Variants in EVA1B observed in about 807,000 individuals in gnomAD.
EVA1B encodes the protein protein eva-1 homolog B.
In EVA1B, 2 loss-of-function variants were observed where a neutral mutation model predicts 4.6. That is an observed-to-expected ratio of 0.43 (90% CI 0.18 to 1.37). The LOEUF (loss-of-function observed/expected upper bound fraction) is 1.37, where lower values mean the gene tolerates loss of function less well. Ranked by LOEUF, EVA1B falls within the 40% of genes most tolerant of loss-of-function variation. The probability of loss-of-function intolerance (pLI) is 0.28; values close to 1 mark genes in which losing one functional copy is unlikely to be tolerated. For missense variants in EVA1B, 263 were observed against 240.4 expected (o/e 1.09, Z -0.62); for synonymous variants, 124 against 115.8 (o/e 1.07, Z -0.46).
Position 36,322,164 on chromosome 1 carries a change from AG to A in EVA1B, c.*130del. 4 of 1,354,754 alleles carry A rather than the reference AG, an allele frequency of 3.0e-6. No individual in the cohort carries two copies. The East Asian group carries it at 8.6e-5, about 29-fold the overall frequency. 83.9% of individuals were successfully genotyped at this position (1,354,754 alleles called of 1,614,324 possible). On this transcript the variant is annotated 3_prime_UTR_variant, in exon 3 of 3. Transcript: ENST00000490466. Reference sequence around the variant, plus strand: ...GCAGGACTGGGGAAGGGAGCCTCTCAGGGGGTGGCGGTCCACGCCCAGTAGC... The same window carrying A: ...GCAGGACTGGGGAAGGGAGCCTCTCAGGGGTGGCGGTCCACGCCCAGTAGC...
Position 36,323,044 on chromosome 1 carries a change from C to T in EVA1B, c.-7G>A. The T allele has an allele frequency of 6.3e-7, 1 of 1,599,752 alleles. No individual in the cohort carries two copies. Among genetic ancestry groups the T allele is most frequent in the Non-Finnish European group, 8.5e-7 (1 of 1,175,912 alleles). ...CCCTTCGCGGGGCATCCATGCTGCT[C>T]TGGGGGGCAGCTCCCCTACCAGCCT... On this transcript the variant is annotated 5_prime_UTR_variant, in exon 2 of 3. Coordinates refer to ENST00000490466, the MANE Select transcript of EVA1B (RefSeq NM_001304762.2).
chr1:36,322,303 A>C lies in EVA1B; in HGVS notation c.490T>G (p.Tyr164Asp). The C allele has an allele frequency of 4.6e-6, 7 of 1,535,582 alleles. No homozygotes were observed. Among genetic ancestry groups the C allele is most frequent in the Non-Finnish European group, 6.1e-6 (7 of 1,150,230 alleles). The change falls in exon 3 of 3, where the codon TAT becomes GAT. Residue 164 changes from tyrosine to aspartate, a missense_variant. Transcript: ENST00000490466. ...GCGGGAGCCGGGGCCCATCAGTAATAGTGCATGCGGCCCAGGGTGCCCGTG... is the reference window on the plus strand; with the variant it reads ...GCGGGAGCCGGGGCCCATCAGTAATCGTGCATGCGGCCCAGGGTGCCCGTG... ...TATGTLGRMHYY is the reference protein window; with the variant it reads ...TATGTLGRMHDY
Position 36,323,068 on chromosome 1 carries a change from C to T in EVA1B, c.-30-1G>A. 1 of 1,593,774 alleles carries T rather than the reference C, an allele frequency of 6.3e-7. No individual in the cohort carries two copies. Among genetic ancestry groups the T allele is most frequent in the South Asian group, 1.1e-5 (1 of 89,242 alleles). On this transcript the variant is annotated splice_acceptor_variant, in intron 1 of 2. Coordinates refer to ENST00000490466, the MANE Select transcript of EVA1B (RefSeq NM_001304762.2). LOFTEE classifies it low-confidence loss of function (5UTR_SPLICE). ...TCTGGGGGGCAGCTCCCCTACCAGC[C>T]TGCGAGGTCAGCAAAGTCAGATCCT...
In EVA1B at chr1:36,322,652, G is replaced by A. The variant is rs754506123; in HGVS notation, c.141C>T (p.Leu47=). The stretch of plus-strand genomic sequence containing the variant: ...GGGGCGCCCACGAGATGCTGATGAC[G>A]AGCAGGCAGAGGGTGAGCAGCAGGC... ...CFGLLLTLCL[L]VISISWAPRP... The change falls in exon 3 of 3, where the codon CTC becomes CTT. Residue 47 remains leucine, a synonymous_variant. Transcript: ENST00000490466. The A allele has an allele frequency of 2.5e-5, 38 of 1,546,632 alleles. No homozygotes were observed. In the East Asian group the frequency reaches 8.3e-4, roughly 34 times the overall value.
Position 36,322,633 on chromosome 1 carries a change from C to A in EVA1B, c.160G>T (p.Ala54Ser). ...LCLLVISISW[A>S]PRPRPRGPAQ... is the part of the protein sequence containing the mutation. The stretch of plus-strand genomic sequence containing the variant: ...GGGCCCCGGGGCCGCGGGCGGGGCG[C>A]CCACGAGATGCTGATGACGAGCAGG... Residue 54 changes from alanine (A) to serine (S), a missense_variant, in exon 3 of 3, where the codon GCG becomes TCG. Physicochemically the swap from Ala to Ser is moderately conservative, Grantham distance 99. Transcript: ENST00000490466. 4 of 1,545,214 alleles carry A rather than the reference C, an allele frequency of 2.6e-6. No individual in the cohort carries two copies. Among genetic ancestry groups the A allele is most frequent in the Non-Finnish European group, 3.5e-6 (4 of 1,147,086 alleles).
chr1:36,322,349 C>T lies in EVA1B; in HGVS notation c.444G>A (p.Thr148=). 1.3e-6 allele frequency: 2 copies of T among 1,581,550 alleles called. No individual in the cohort carries two copies. The highest frequency in any genetic ancestry group is 1.7e-6 in the Non-Finnish European group (2 of 1,171,990). The change falls in exon 3 of 3, where the codon ACG becomes ACA. Residue 148 remains threonine (T), a synonymous_variant. Coordinates refer to ENST00000490466, the MANE Select transcript of EVA1B (RefSeq NM_001304762.2). ...TGQPDLLGTG[T]LGPSPTATGT... is the part of the protein sequence containing the mutation. ...CCGTGGCCGTGGGGCTGGGCCCCAG[C>T]GTGCCTGTGCCCAGCAGGTCCGGCT...
At chr1:36,323,267 G>T (rs1448796860) in intron 1 of EVA1B, among the ~76,000 whole-genome samples, 192 bp downstream of exon 1, 1 of 152,146 alleles carries the variant, frequency 6.6e-6, no homozygotes, top group Non-Finnish European at 1.5e-5. Flanking sequence ...TGGGAGCAGC[G>T]CCGGGGACCG....
At chr1:36,324,144 C>T (rs1446813743), upstream of EVA1B, 1 of 152,246 alleles carries the variant, frequency 6.6e-6, no homozygotes, top group Non-Finnish European at 1.5e-5. Flanking sequence ...TTCCAGGGCC[C>T]AGGCTTGAAT....
intron 2 of EVA1B, 122 bp downstream of exon 2, chr1:36,322,849 G>T: frequency 1.3e-6 from 2 of 1,507,460 alleles, no homozygotes; most frequent in Non-Finnish European, 1.8e-6. Context: ...GGGCATTAGG[G>T]AACCGCCAGC....
chr1:36,322,795 C>A, intron 2 of EVA1B, 70 bp from the exon 3 acceptor site: 1 of 1,510,974 alleles, frequency 6.6e-7, no homozygotes, highest in East Asian at 2.4e-5. Flanking sequence ...CCGAAAGACC[C>A]CAGGTTCTAG....
chr1:36,322,204 G>A lies in EVA1B; in HGVS notation c.*91C>T, dbSNP rs1646474792. The A allele has an allele frequency of 8.7e-6, 12 of 1,386,882 alleles. No individual in the cohort carries two copies. In the Admixed American group the frequency reaches 1.2e-4, roughly 14 times the overall value. The allele number at this position is 1,386,882 out of a possible 1,614,324, so 85.9% of individuals were successfully genotyped here. A position where few individuals can be genotyped will look rare whatever the true frequency, so the allele number is the denominator to read the frequency against. On this transcript the variant is annotated 3_prime_UTR_variant, in exon 3 of 3. Coordinates refer to ENST00000490466, the MANE Select transcript of EVA1B (RefSeq NM_001304762.2). ...ACGCCCAGTAGCACCTGGGAGCTGT[G>A]GGGGCCGAGGCAGTCCGAAGGTGTG...
At chr1:36,322,918 G>T in intron 2 of EVA1B, 53 bp downstream of exon 2, 1 of 1,591,742 alleles carries the variant, frequency 6.3e-7, no homozygotes, top group Non-Finnish European at 8.6e-7. Context: ...GAGGGAAGGG[G>T]ATGGTGGTCA....
intron 1 of EVA1B, 124 bp from the exon 2 acceptor site, chr1:36,323,191 CT>C (rs1646497830): frequency 2.5e-6 from 2 of 794,798 alleles, no homozygotes; most frequent in African/African-American, 3.7e-5. Context: ...GCTTCCCTAA[CT>C]TCGTGGCGGC....
chr1:36,322,637 C>T lies in EVA1B; in HGVS notation c.156G>A (p.Ser52=). Residue 52 remains serine, a synonymous_variant, in exon 3 of 3, where the codon TCG becomes TCA. Transcript: ENST00000490466. ...LTLCLLVISI[S]WAPRPRPRGP... ...CCCGGGGCCGCGGGCGGGGCGCCCA[C>T]GAGATGCTGATGACGAGCAGGCAGA... The T allele has an allele frequency of 1.3e-6, 2 of 1,546,238 alleles. No homozygotes were observed.
rs1426867282 is a variant in EVA1B at position 36,323,532 on chromosome 1, C to G, written c.-104G>C. ...CGCATACACTGGGTCCGGCCGCCCCCGCCCGCTCGGGTCCCGCCGCCCCTC... is the reference window on the plus strand; with the variant it reads ...CGCATACACTGGGTCCGGCCGCCCCGGCCCGCTCGGGTCCCGCCGCCCCTC... On this transcript the variant is annotated 5_prime_UTR_variant, in exon 1 of 3. Coordinates refer to ENST00000490466, the MANE Select transcript of EVA1B (RefSeq NM_001304762.2). 2 of 152,106 alleles carry G rather than the reference C, an allele frequency of 1.3e-5. No homozygotes were observed. The highest frequency in any genetic ancestry group is 2.9e-5 in the Non-Finnish European group (2 of 68,052). 9.4% of individuals were successfully genotyped at this position (152,106 alleles called of 1,614,324 possible). A position where few individuals can be genotyped will look rare whatever the true frequency, so the allele number is the denominator to read the frequency against.
chr1:36,322,835 C>CGAG, intron 2 of EVA1B, 110 bp from the exon 3 acceptor site: 1 of 1,489,314 alleles, frequency 6.7e-7, no homozygotes, highest in Non-Finnish European at 9.2e-7. Context: ...AACCCCTACT[C>CGAG]GAAGGGCATT....
chr1:36,323,090 T>A (rs781246577), intron 1 of EVA1B, 23 bp from the exon 2 acceptor site: 2 of 1,574,228 alleles, frequency 1.3e-6, no homozygotes, highest in Non-Finnish European at 8.6e-7. Flanking sequence ...CAAAGTCAGA[T>A]CCTTCTCCCA....
At position 36,322,055 on chromosome 1, in the gene EVA1B, T is replaced by G; in HGVS notation, c.*240A>C. The G allele has an allele frequency of 7.6e-7, 1 of 1,311,828 alleles. No individual in the cohort carries two copies. The highest frequency in any genetic ancestry group is 9.7e-7 in the Non-Finnish European group (1 of 1,034,898). The allele number at this position is 1,311,828 out of a possible 1,614,324, so 81.3% of individuals were successfully genotyped here. A position where few individuals can be genotyped will look rare whatever the true frequency, so the allele number is the denominator to read the frequency against. On this transcript the variant is annotated 3_prime_UTR_variant, in exon 3 of 3. Coordinates refer to ENST00000490466, the MANE Select transcript of EVA1B (RefSeq NM_001304762.2). ...TCACTGAGAATGCAGCTTTCTTTCA[T>G]TTGGTCACTTCACCTCTTCATCGAC...
intron 1 of EVA1B, 81 bp from the exon 2 acceptor site, chr1:36,323,148 A>C (rs1646497014): frequency 1.6e-6 from 2 of 1,243,160 alleles, no homozygotes; most frequent in Admixed American, 5.9e-5. Flanking sequence ...CTCTCCCGGG[A>C]GCCGCGGGCC....
Sources: gnomAD v4.1 joint callset for allele counts (sites outside exome capture counted in the v4.1 genomes callset) on GRCh38, gnomAD v4.1.1 for gene constraint, MANE v1.5 for transcripts, NCBI Gene and HGNC (gene_info 2026-07-23, HGNC 2026-07-21) for gene names.